The following NISCH variants were observed in gnomAD, a reference collection of about 807,000 sequenced individuals.
NISCH encodes I-1 receptor candidate protein.
In NISCH, 55 loss-of-function variants were observed where a neutral mutation model predicts 138.4. The observed-to-expected ratio is 0.40, with a 90% CI of 0.32 to 0.50. The LOEUF is 0.50. NISCH is among the 20% of genes least tolerant of loss of function. The probability of loss-of-function intolerance (pLI) is 0.71; values close to 1 mark genes in which losing one functional copy is unlikely to be tolerated. For missense variants in NISCH, 1,643 were observed against 2,005.5 expected, an observed-to-expected ratio of 0.82 and a Z score of 3.45; for synonymous variants, 860 against 861.5, an observed-to-expected ratio of 1.00 and a Z score of 0.03.
In NISCH at chr3:52,471,795, C is replaced by T. The variant is rs1706955841; in HGVS notation, c.410-19C>T. 1 of 1,613,796 alleles carries T rather than the reference C, an allele frequency of 6.2e-7. No individual in the cohort carries two copies. Among genetic ancestry groups the T allele is most frequent in the Non-Finnish European group, 8.5e-7 (1 of 1,179,836 alleles). ...GGGCTGCGGCTGGACACTTATCCTT[C>T]AGGGCATGGCTCTTGCAGGAGAACA... On this transcript the variant is annotated intron_variant, in intron 4 of 20. Transcript: ENST00000345716.
At chr3:52,472,809 C>G (rs915233319) in intron 6 of NISCH, among the ~76,000 whole-genome samples, 5 of 152,242 alleles carry the variant, frequency 3.3e-5, no homozygotes, top group Non-Finnish European at 7.3e-5. Flanking sequence ...CTCTGGGGCA[C>G]CCACACAAGA....
intron 3 of NISCH, 116 bp from the exon 4 acceptor site, chr3:52,470,743 T>G (rs1341508672): frequency 2.3e-6 from 2 of 852,848 alleles, no homozygotes; most frequent in African/African-American, 1.7e-5. Context: ...CTTTCTTTAG[T>G]TTAACTTCCT....
rs560901176 is a variant in NISCH at position 52,487,883 on chromosome 3, C to T, written c.2391C>T (p.Ala797=). Residue 797 remains alanine (A), a synonymous_variant, in exon 16 of 21, where the codon GCC becomes GCT. Transcript: ENST00000345716. The surrounding 1 kb of genome is among the most constrained non-coding windows in gnomAD (Gnocchi z 9.1). ...ACACGCTCTTCATTATCTCGGACGCCGCCAACCTGCACGAGTTCCACGCGG... is the reference window on the plus strand; with the variant it reads ...ACACGCTCTTCATTATCTCGGACGCTGCCAACCTGCACGAGTTCCACGCGG... ...SENTLFIISD[A]ANLHEFHADL... 62 of 1,612,378 alleles carry T rather than the reference C, an allele frequency of 3.8e-5. No homozygotes were observed. The highest frequency in any genetic ancestry group is 1.6e-4 in the Middle Eastern group (1 of 6,062).
intron 20 of NISCH, 156 bp downstream of exon 20, chr3:52,491,669 T>C: frequency 9.5e-7 from 1 of 1,057,704 alleles, no homozygotes; most frequent in Non-Finnish European, 1.3e-6. Context: ...GATGGCAGAG[T>C]CTCCACTCCA....
rs1157222600 is a variant in NISCH, at chr3:52,484,613, C to T, written c.1629C>T (p.Ser543=). 3 of 1,614,022 alleles carry T rather than the reference C, an allele frequency of 1.9e-6. No homozygotes were observed. The highest frequency in any genetic ancestry group is 1.1e-5 in the South Asian group (1 of 91,078). The change falls in exon 14 of 21, where the codon TCC becomes TCT. Residue 543 remains serine (S), a synonymous_variant. Coordinates refer to ENST00000345716, the MANE Select transcript of NISCH (RefSeq NM_007184.4). Reference sequence around the variant, plus strand: ...CCATTGCCCAGGGATGTTCTGATTCCTTGGAGTCCATCCCTGCGGGACAGG... The same window carrying T: ...CCATTGCCCAGGGATGTTCTGATTCTTTGGAGTCCATCCCTGCGGGACAGG... ...HQPIAQGCSD[S]LESIPAGQAA...
intron 5 of NISCH, 94 bp downstream of exon 5, chr3:52,472,071 T>C (rs1399896213): frequency 1.5e-5 from 20 of 1,359,472 alleles, no homozygotes; most frequent in East Asian, 2.4e-5. Flanking sequence ...AAGGAGACCA[T>C]GGGGGACTGT....
chr3:52,472,699 AGT>A (rs1706987877), intron 6 of NISCH, among the ~76,000 whole-genome samples: 1 of 152,188 alleles, frequency 6.6e-6, no homozygotes, highest in African/African-American at 2.4e-5. Flanking sequence ...GTGTACCTCA[AGT>A]TCAAGTCCTG....
chr3:52,472,115 A>C, intron 5 of NISCH, 138 bp downstream of exon 5: 1 of 1,073,338 alleles, frequency 9.3e-7, no homozygotes, highest in Non-Finnish European at 1.3e-6. Flanking sequence ...TATTCTTGGC[A>C]CTATGCTTCT....
chr3:52,481,106 C>T (rs997236814), intron 13 of NISCH: 4 of 1,297,920 alleles, frequency 3.1e-6, no homozygotes, highest in Admixed American at 7.6e-5. Flanking sequence ...CACCCCTTGA[C>T]CTGGTAACCC....
intron 3 of NISCH, among the ~76,000 whole-genome samples, chr3:52,460,038 G>A (rs1005861106): frequency 2.0e-5 from 3 of 151,270 alleles, no homozygotes; most frequent in Non-Finnish European, 2.9e-5. Flanking sequence ...AAAATTAGCT[G>A]GGTATGGTGG....
intron 8 of NISCH, among the ~76,000 whole-genome samples, chr3:52,477,271 A>T (rs1707124057): frequency 6.6e-6 from 1 of 152,032 alleles, no homozygotes; most frequent in African/African-American, 2.4e-5. Context: ...CTGCTCAGGG[A>T]GTGTGGGCAG....
At position 52,488,402 on chromosome 3, in the gene NISCH, C is replaced by T. The variant is rs61739223; in HGVS notation, c.2910C>T (p.His970=). ...CTCGGGGCGCCTTTGCTGATGGCCA[C>T]GTGCTAGAGCTGCTCGTGGGGTACC... ...TQPRGAFADG[H]VLELLVGYRF... Residue 970 remains histidine, a synonymous_variant, in exon 16 of 21, where the codon CAC becomes CAT. Transcript: ENST00000345716. The T allele has an allele frequency of 8.1e-6, 13 of 1,613,720 alleles. No individual in the cohort carries two copies. Among genetic ancestry groups the T allele is most frequent in the African/African-American group, 5.3e-5 (4 of 74,954 alleles).
At chr3:52,464,296 G>A (rs1422758468) in intron 3 of NISCH, among the ~76,000 whole-genome samples, 1 of 151,586 alleles carries the variant, frequency 6.6e-6, no homozygotes, top group East Asian at 2.0e-4. Context: ...TCCTCGGGAG[G>A]CTGACGCACA....
In NISCH at chr3:52,488,522, T is replaced by C. The variant is rs1407486775; in HGVS notation, c.3030T>C (p.Thr1010=). The C allele has an allele frequency of 1.2e-6, 2 of 1,613,054 alleles. No individual in the cohort carries two copies. Among genetic ancestry groups the C allele is most frequent in the African/African-American group, 2.7e-5 (2 of 74,932 alleles). ...QLRASLQDLK[T]VVIAKTPGTG... is the part of the protein sequence containing the mutation. ...GGGCCTCGCTGCAGGACCTGAAGAC[T>C]GTGGTCATCGCCAAGACCCCCGGGA... The change falls in exon 16 of 21, where the codon ACT becomes ACC. Residue 1010 remains threonine, a synonymous_variant. Coordinates refer to ENST00000345716, the MANE Select transcript of NISCH (RefSeq NM_007184.4).
At chr3:52,484,462 T>TTGGGGGGCCCC in intron 13 of NISCH, 51 bp from the exon 14 acceptor site, 1 of 788,670 alleles carries the variant, frequency 1.3e-6, no homozygotes, top group Non-Finnish European at 1.8e-6. Flanking sequence ...ACAGCCGCTC[T>TTGGGGGGCCCC]CCCCGCCCCA....
chr3:52,485,953 T>C, intron 15 of NISCH, 126 bp downstream of exon 15: 1 of 802,130 alleles, frequency 1.2e-6, no homozygotes, highest in Non-Finnish European at 2.1e-6. Context: ...TATAGAACTA[T>C]TTCTTCCTCT....
chr3:52,492,572 C>A lies in NISCH; in HGVS notation c.*90C>A. ...GTGTTCTCTAAAAATGTTTTATCCT[C>A]CCTTTGGTACCTTAATTTGACTGTC... is the stretch of plus-strand genomic sequence containing the variant. On this transcript the variant is annotated 3_prime_UTR_variant, in exon 21 of 21. Transcript: ENST00000345716. 7.2e-7 allele frequency: 1 copy of A among 1,381,838 alleles called. No homozygotes were observed. Among genetic ancestry groups the A allele is most frequent in the Non-Finnish European group, 9.6e-7 (1 of 1,044,736 alleles). The allele number at this position is 1,381,838 out of a possible 1,614,324, so 85.6% of individuals were successfully genotyped here.
At chr3:52,476,931 A>G (rs538371149) in intron 8 of NISCH, among the ~76,000 whole-genome samples, 1 of 152,272 alleles carries the variant, frequency 6.6e-6, no homozygotes, top group Non-Finnish European at 1.5e-5. Context: ...CTACTTTGGG[A>G]GGCTTAGGCA....
chr3:52,461,787 C>T (rs1469058421), intron 3 of NISCH, among the ~76,000 whole-genome samples: 2 of 150,324 alleles, frequency 1.3e-5, no homozygotes, highest in East Asian at 2.0e-4. Flanking sequence ...GGCGTGAACC[C>T]GGGAGGCAGA....
Sources: gnomAD v4.1 joint callset for allele counts (sites outside exome capture counted in the v4.1 genomes callset) on GRCh38, gnomAD v4.1.1 for gene constraint, Gnocchi (gnomAD v3.1) non-coding constraint, MANE v1.5 for transcripts, NCBI Gene and HGNC (gene_info 2026-07-23, HGNC 2026-07-21) for gene names.